Variants in LCP2 observed in about 807,000 individuals in gnomAD.
LCP2 encodes 76 kDa tyrosine phosphoprotein.
LCP2 carries 29 observed loss-of-function variants against 74.5 expected under a neutral mutation model. The ratio of observed to expected loss-of-function variants is 0.39; its 90% CI spans 0.29 to 0.53. The LOEUF (loss-of-function observed/expected upper bound fraction) is 0.53, where lower values mean the gene tolerates loss of function less well. Among genes scored for constraint, LCP2 ranks in the 20% least tolerant of loss-of-function variants. The probability of loss-of-function intolerance (pLI) is 0.72; values close to 1 mark genes in which losing one functional copy is unlikely to be tolerated. For missense variants in LCP2, 604 were observed against 634.6 expected (o/e 0.95, Z 0.52); for synonymous variants, 228 against 229.5 (o/e 0.99, Z 0.06).
intron 3 of LCP2, among the ~76,000 whole-genome samples, chr5:170,284,633 A>G (rs1219088969): frequency 1.3e-5 from 2 of 151,662 alleles, no homozygotes; most frequent in African/African-American, 4.8e-5. Context: ...TTTAGCCATT[A>G]TGTCTTCAAG....
In LCP2 at chr5:170,270,871, T is replaced by C. The variant is rs1279892493; in HGVS notation, c.371A>G (p.Asp124Gly). The change falls in exon 7 of 21, where the codon GAT becomes GGT. Residue 124 changes from aspartate to glycine, a missense_variant. Transcript: ENST00000046794. ...ESPNDDQDGE[D>G]DGDYESPNEE... ...ATTGGGGGACTCATAGTCTCCATCA[T>C]CCTCCCCATCCTGGTCATCATTGGG... 6 of 1,612,882 alleles carry C rather than the reference T, an allele frequency of 3.7e-6. No homozygotes were observed. The highest frequency in any genetic ancestry group is 4.2e-6 in the Non-Finnish European group (5 of 1,179,476).
At chr5:170,272,554 G>C (rs1052803641) in intron 6 of LCP2, among the ~76,000 whole-genome samples, 1 of 135,490 alleles carries the variant, frequency 7.4e-6, no homozygotes, top group Non-Finnish European at 1.5e-5. Flanking sequence ...CAGCAAGATA[G>C]ACTAAATGAG....
chr5:170,251,875 A>C (rs1761452550), intron 19 of LCP2: 1 of 248,962 alleles, frequency 4.0e-6, no homozygotes, highest in African/African-American at 2.2e-5. Flanking sequence ...ACTGGTGTGG[A>C]GTTTAAGTGT....
chr5:170,296,133 A>C (rs1435918374), intron 1 of LCP2, among the ~76,000 whole-genome samples: 1 of 152,110 alleles, frequency 6.6e-6, no homozygotes, highest in African/African-American at 2.4e-5. Flanking sequence ...ATGCCACTTT[A>C]TTCCCTCTTG....
rs1761949871 is a variant in LCP2 at position 170,274,393 on chromosome 5, GAA to G, written c.287-57_287-56del. On this transcript the variant is annotated intron_variant, in intron 5 of 20. Transcript: ENST00000046794. The stretch of plus-strand genomic sequence containing the variant: ...ACTGAAGAAAAGCCACCACTTGAGG[GAA>G]AGTCAAAGCAGCTTCCCCATCTGAT... 4.4e-6 allele frequency: 7 copies of G among 1,579,534 alleles called. 1 individual carries two copies. In the South Asian group the frequency reaches 8.0e-5, roughly 18 times the overall value.
At chr5:170,257,269 G>T (rs1159702648) in intron 16 of LCP2, among the ~76,000 whole-genome samples, 1 of 152,206 alleles carries the variant, frequency 6.6e-6, no homozygotes, top group Non-Finnish European at 1.5e-5. Flanking sequence ...GCAGACAAGG[G>T]CAGCAGATGC....
chr5:170,252,175 A>G (rs998415276), intron 19 of LCP2: 1 of 299,648 alleles, frequency 3.3e-6, no homozygotes, highest in Non-Finnish European at 6.3e-6. Flanking sequence ...AGACTCTTTC[A>G]TTAATAAAAT....
intron 2 of LCP2, among the ~76,000 whole-genome samples, chr5:170,292,019 T>A (rs1184021145): frequency 6.6e-6 from 1 of 152,146 alleles, no homozygotes; most frequent in Non-Finnish European, 1.5e-5. Context: ...ATAGAACAAA[T>A]CACATCACAG....
At chr5:170,286,554 T>C (rs2113207279) in intron 3 of LCP2, among the ~76,000 whole-genome samples, 1 of 152,356 alleles carries the variant, frequency 6.6e-6, no homozygotes, top group Admixed American at 6.5e-5. Context: ...GCTATTAAAA[T>C]GTGGCTAGTG....
intron 16 of LCP2, 118 bp downstream of exon 16, chr5:170,257,919 G>A: frequency 8.8e-7 from 1 of 1,140,546 alleles, no homozygotes; most frequent in Non-Finnish European, 1.3e-6. Flanking sequence ...GACCCAAAAT[G>A]TTCAGACCCT....
At chr5:170,270,949 T>C in intron 6 of LCP2, 32 bp from the exon 7 acceptor site, 1 of 1,572,432 alleles carries the variant, frequency 6.4e-7, no homozygotes, top group Non-Finnish European at 8.6e-7. Flanking sequence ...CAGTGCAGTT[T>C]GTAGAGGCTC....
At chr5:170,271,823 C>G (rs1169504978) in intron 6 of LCP2, among the ~76,000 whole-genome samples, 1 of 152,108 alleles carries the variant, frequency 6.6e-6, no homozygotes, top group African/African-American at 2.4e-5. Context: ...GAAGTGGCCA[C>G]TTTTTGAGGA....
Position 170,248,827 on chromosome 5 carries a change from A to G in LCP2, c.1480-8T>C. On this transcript the variant is annotated splice_region_variant and splice_polypyrimidine_tract_variant and intron_variant, in intron 20 of 20. Transcript: ENST00000046794. Reference sequence around the variant, plus strand: ...TGACACAGACAGAAAGTCCTGAAAGAGTCAAGATAGGGAGATGAGTCAACA... The same window carrying G: ...TGACACAGACAGAAAGTCCTGAAAGGGTCAAGATAGGGAGATGAGTCAACA... The G allele has an allele frequency of 1.9e-6, 3 of 1,611,790 alleles. No individual in the cohort carries two copies. The highest frequency in any genetic ancestry group is 2.5e-6 in the Non-Finnish European group (3 of 1,178,728).
chr5:170,248,864 AG>A, intron 20 of LCP2, 45 bp from the exon 21 acceptor site: 1 of 1,600,436 alleles, frequency 6.2e-7, no homozygotes, highest in Admixed American at 1.7e-5. Context: ...TGGAATGAAA[AG>A]CAGGAACTTC....
chr5:170,257,637 CAT>C (rs1222143195), intron 16 of LCP2, among the ~76,000 whole-genome samples: 4 of 152,176 alleles, frequency 2.6e-5, no homozygotes, highest in African/African-American at 9.7e-5. Flanking sequence ...GAATTCCTAG[CAT>C]CAGCCAAGCA....
chr5:170,272,858 C>T (rs182910581), intron 6 of LCP2, among the ~76,000 whole-genome samples: 112 of 151,688 alleles, frequency 7.4e-4, no homozygotes, highest in African/African-American at 2.6e-3. Context: ...GTGATCTGCC[C>T]GCCTTGGCCT....
rs1761813000 is a variant in LCP2 at position 170,268,452 on chromosome 5, T to C, written c.554A>G (p.Gln185Arg). Residue 185 changes from glutamine to arginine, a missense_variant, in exon 8 of 21, where the codon CAG becomes CGG. Physicochemically the swap from Gln to Arg is conservative, Grantham distance 43. Coordinates refer to ENST00000046794, the MANE Select transcript of LCP2 (RefSeq NM_005565.5). Reference sequence around the variant, plus strand: ...CGGTCTCTGGGGGGGCACAGGAGGCTGCTGGGGGGTTTTCCCAGAGGGGGG... The same window carrying C: ...CGGTCTCTGGGGGGGCACAGGAGGCCGCTGGGGGGTTTTCCCAGAGGGGGG... ...DRPPSGKTPQ[Q>R]PPVPPQRPMA... 2 of 269,370 alleles carry C rather than the reference T, an allele frequency of 7.4e-6. No homozygotes were observed. The highest frequency in any genetic ancestry group is 2.8e-5 in the African/African-American group (1 of 35,106). The allele number at this position is 269,370 out of a possible 1,614,324, so 16.7% of individuals were successfully genotyped here.
chr5:170,290,936 G>GAAGA (rs1230195624), intron 2 of LCP2, among the ~76,000 whole-genome samples: 4 of 125,410 alleles, frequency 3.2e-5, no homozygotes, highest in East Asian at 2.3e-4. Flanking sequence ...GAGAGAGAAA[G>GAAGA]AAGAAAGAAA....
chr5:170,260,229 C>T (rs1310866845), intron 14 of LCP2, among the ~76,000 whole-genome samples: 1 of 152,222 alleles, frequency 6.6e-6, no homozygotes, highest in Non-Finnish European at 1.5e-5. Flanking sequence ...CAGAGCATCC[C>T]GTGATTGCAT....
Sources: gnomAD v4.1 joint callset for allele counts (sites outside exome capture counted in the v4.1 genomes callset) on GRCh38, gnomAD v4.1.1 for gene constraint, MANE v1.5 for transcripts, NCBI Gene and HGNC (gene_info 2026-07-23, HGNC 2026-07-21) for gene names.